The following SPTLC3 variants were observed in gnomAD, a reference collection of about 807,000 sequenced individuals.
The protein encoded by SPTLC3 is serine palmitoyltransferase long chain base subunit 3.
In SPTLC3, 36 loss-of-function variants were observed where a neutral mutation model predicts 59.3. That is an observed-to-expected ratio of 0.61 (90% CI 0.47 to 0.80). The LOEUF (loss-of-function observed/expected upper bound fraction) is 0.80, where lower values mean the gene tolerates loss of function less well. Ranked by LOEUF, SPTLC3 falls within the 30% of genes least tolerant of loss-of-function variation. The pLI, the probability that SPTLC3 is intolerant of heterozygous loss-of-function variation, is 0.00. For synonymous variants in SPTLC3, 257 were observed against 240.8 expected, an observed-to-expected ratio of 1.07 and a Z score of -0.62; for missense variants, 625 against 685.1, an observed-to-expected ratio of 0.91 and a Z score of 0.98.
intron 8 of SPTLC3, among the ~76,000 whole-genome samples, chr20:13,123,395 T>TAGAA (rs1188108835): frequency 2.6e-5 from 4 of 152,088 alleles, no homozygotes; most frequent in Non-Finnish European, 5.9e-5. Flanking sequence ...GATGCTTTTC[T>TAGAA]AAGCATCCCA....
At chr20:13,073,443 T>C (rs912237008) in intron 3 of SPTLC3, among the ~76,000 whole-genome samples, 1 of 152,200 alleles carries the variant, frequency 6.6e-6, no homozygotes, top group African/African-American at 2.4e-5. Context: ...AGAAAATATA[T>C]GATTTGGGCC....
In SPTLC3 at chr20:13,154,240, G is replaced by C. The variant is rs2038715343; in HGVS notation, c.1415+102G>C. ...ATTATGCATCTGGAATGGGGTGAGT[G>C]AGTTCAGAATTCACTCGTACGGCTT... On this transcript the variant is annotated intron_variant, in intron 10 of 11. Transcript: ENST00000399002. 6.8e-6 allele frequency: 10 copies of C among 1,462,750 alleles called. No homozygotes were observed. The East Asian group carries it at 2.3e-4, about 34-fold the overall frequency. The allele number at this position is 1,462,750 out of a possible 1,614,324, so 90.6% of individuals were successfully genotyped here.
chr20:13,150,657 C>T (rs1200668869), intron 9 of SPTLC3, among the ~76,000 whole-genome samples: 2 of 152,194 alleles, frequency 1.3e-5, no homozygotes, highest in South Asian at 2.1e-4. Flanking sequence ...CTACTCCTTC[C>T]AATCATTAAA....
chr20:13,158,274 A>T (rs1408757715), intron 10 of SPTLC3, among the ~76,000 whole-genome samples: 1 of 152,242 alleles, frequency 6.6e-6, no homozygotes, highest in Non-Finnish European at 1.5e-5. Context: ...ACAGAGGCTC[A>T]TTATATAAAA....
chr20:13,045,974 T>G (rs1258100878), intron 1 of SPTLC3, among the ~76,000 whole-genome samples: 1 of 152,176 alleles, frequency 6.6e-6, no homozygotes, highest in African/African-American at 2.4e-5. Context: ...ACCTGCTGAT[T>G]GCCATGGGTT....
At chr20:13,026,603 T>A (rs533245069) in intron 1 of SPTLC3, among the ~76,000 whole-genome samples, 1 of 152,288 alleles carries the variant, frequency 6.6e-6, no homozygotes, top group East Asian at 1.9e-4. Context: ...GAATAAAGCA[T>A]CAATACGTCT....
At chr20:13,046,803 T>C in intron 1 of SPTLC3, among the ~76,000 whole-genome samples, 1 of 152,160 alleles carries the variant, frequency 6.6e-6, no homozygotes, top group East Asian at 1.9e-4. Flanking sequence ...CATCTTTGAA[T>C]CCCCAGTGCT....
intron 1 of SPTLC3, among the ~76,000 whole-genome samples, chr20:13,017,349 C>T (rs565473884): frequency 1.3e-5 from 2 of 152,316 alleles, no homozygotes; most frequent in South Asian, 4.1e-4. Context: ...AAATTGACCT[C>T]ATGTGACTCT....
At chr20:13,091,340 C>A in intron 5 of SPTLC3, 133 bp downstream of exon 5, 1 of 1,131,578 alleles carries the variant, frequency 8.8e-7, no homozygotes, top group Non-Finnish European at 1.2e-6. Flanking sequence ...TTTGGGAGCC[C>A]AAGGCGGGCG....
chr20:13,041,254 G>A (rs1048874055), intron 1 of SPTLC3, among the ~76,000 whole-genome samples: 1 of 151,844 alleles, frequency 6.6e-6, no homozygotes, highest in African/African-American at 2.4e-5. Flanking sequence ...TGTTTCAGAG[G>A]CCTTGTTCAT....
At chr20:13,148,235 G>A (rs1462058540) in intron 9 of SPTLC3, among the ~76,000 whole-genome samples, 3 of 151,954 alleles carry the variant, frequency 2.0e-5, no homozygotes, top group Non-Finnish European at 4.4e-5. Flanking sequence ...TGTTTTATTT[G>A]TTTTTCTTCC....
At chr20:13,127,103 T>A (rs926854071) in intron 9 of SPTLC3, among the ~76,000 whole-genome samples, 1 of 152,210 alleles carries the variant, frequency 6.6e-6, no homozygotes, top group Non-Finnish European at 1.5e-5. Flanking sequence ...TTTTCAATCC[T>A]TTTATTTTTT....
At chr20:13,144,044 C>G (rs1278464385) in intron 9 of SPTLC3, among the ~76,000 whole-genome samples, 4 of 152,144 alleles carry the variant, frequency 2.6e-5, no homozygotes, top group Non-Finnish European at 5.9e-5. Context: ...CTCTCTAATA[C>G]CCATCAAAAA....
At position 13,079,257 on chromosome 20, in the gene SPTLC3, A is replaced by G. The variant is rs576290232; in HGVS notation, c.607+4760A>G. On this transcript the variant is annotated intron_variant, in intron 4 of 11. Coordinates refer to ENST00000399002, the MANE Select transcript of SPTLC3 (RefSeq NM_018327.4). ...AGGCAGGGTAGAGGTGGGTGGGTAG[A>G]AACTAAAAGCCTGGAAACAGATAGC... Among the ~76,000 whole-genome samples the G allele has an allele frequency of 1.5e-4, 23 of 152,340 alleles. No individual in the cohort carries two copies. The South Asian group carries it at 4.1e-3, about 27-fold the overall frequency.
chr20:13,154,753 G>A (rs1213140412), intron 10 of SPTLC3, among the ~76,000 whole-genome samples: 2 of 152,202 alleles, frequency 1.3e-5, no homozygotes, highest in African/African-American at 4.8e-5. Context: ...TTGCAACTTT[G>A]AAACAGCATT....
chr20:13,138,531 C>T (rs928343050), intron 9 of SPTLC3, among the ~76,000 whole-genome samples: 2 of 152,132 alleles, frequency 1.3e-5, no homozygotes, highest in Non-Finnish European at 2.9e-5. Context: ...TTTAATTGCA[C>T]CTTAAGCATC....
At chr20:13,098,864 G>A (rs951455973) in intron 6 of SPTLC3, among the ~76,000 whole-genome samples, 1 of 152,138 alleles carries the variant, frequency 6.6e-6, no homozygotes, top group Admixed American at 6.6e-5. Flanking sequence ...AGTGAAGCCT[G>A]GAGCTATCTG....
chr20:13,053,357 A>T (rs2327682), intron 2 of SPTLC3, among the ~76,000 whole-genome samples: 1 of 151,828 alleles, frequency 6.6e-6, no homozygotes, highest in Non-Finnish European at 1.5e-5. Flanking sequence ...CAACATCAAC[A>T]AAAAGGACGT....
chr20:13,072,261 T>C lies in SPTLC3; in HGVS notation c.309T>C (p.Phe103=). 1 of 1,610,798 alleles carries C rather than the reference T, an allele frequency of 6.2e-7. No homozygotes were observed. The highest frequency in any genetic ancestry group is 8.5e-7 in the Non-Finnish European group (1 of 1,179,020). ...AAVERKEQKD[F]VPLYQDFENF... ...TTCTACCTCTGTTCTAACAGGATTT[T>C]GTGCCACTGTATCAAGACTTTGAAA... is the stretch of plus-strand genomic sequence containing the variant. Residue 103 remains phenylalanine, a synonymous_variant, in exon 3 of 12, where the codon TTT becomes TTC. Transcript: ENST00000399002.
Sources: gnomAD v4.1 joint callset for allele counts (sites outside exome capture counted in the v4.1 genomes callset) on GRCh38, gnomAD v4.1.1 for gene constraint, MANE v1.5 for transcripts, NCBI Gene and HGNC (gene_info 2026-07-23, HGNC 2026-07-21) for gene names.